AGAP3: variants seen among roughly 807,000 people sequenced by gnomAD.
AGAP3 encodes the protein arf-GAP with GTPase, ANK repeat and PH domain-containing protein 3.
AGAP3 carries 24 observed loss-of-function variants against 96.9 expected under a neutral mutation model. The ratio of observed to expected loss-of-function variants is 0.25; its 90% CI spans 0.18 to 0.35. The LOEUF is 0.35. Ranked by LOEUF, AGAP3 falls within the 10% of genes least tolerant of loss-of-function variation. The pLI is 1.00. For synonymous variants in AGAP3, 563 were observed against 536.1 expected (o/e 1.05, Z -0.69); for missense variants, 876 against 1,254.2 (o/e 0.70, Z 4.55).
At chr7:151,095,182 A>G (rs2150410734) in intron 1 of AGAP3, among the ~76,000 whole-genome samples, 1 of 152,220 alleles carries the variant, frequency 6.6e-6, no homozygotes, top group African/African-American at 2.4e-5. Context: ...ATCTCTTTTA[A>G]TGTAGGTTTT....
At chr7:151,123,062 G>A in intron 8 of AGAP3, 1 of 1,267,914 alleles carries the variant, frequency 7.9e-7, no homozygotes. Context: ...GCTGGCCAGC[G>A]CGACGAGGCC....
intron 8 of AGAP3, chr7:151,123,193 AGCCGCC>A (rs1046346361): frequency 3.1e-5 from 33 of 1,051,454 alleles, no homozygotes; most frequent in South Asian, 2.5e-4. Flanking sequence ...CTGCTCCGGA[AGCCGCC>A]GCCGCCGCCG....
chr7:151,132,099 C>T (rs917568786), intron 10 of AGAP3, among the ~76,000 whole-genome samples: 1 of 152,202 alleles, frequency 6.6e-6, no homozygotes, highest in Non-Finnish European at 1.5e-5. Context: ...GAAAGCAAGA[C>T]AGAGGGCCGG....
chr7:151,144,199 G>A lies in AGAP3; in HGVS notation c.*256G>A, dbSNP rs995980616. The A allele has an allele frequency of 1.2e-4, 63 of 508,584 alleles. No individual in the cohort carries two copies. Among genetic ancestry groups the A allele is most frequent in the Non-Finnish European group, 4.2e-5 (12 of 285,396 alleles). 31.5% of individuals were successfully genotyped at this position (508,584 alleles called of 1,614,324 possible). A position where few individuals can be genotyped will look rare whatever the true frequency, so the allele number is the denominator to read the frequency against. ...GACAGGACCCTTCGGAGGTGCCTGTGAGGAGAGGGGAGCAGGACCTCTCCC... is the reference window on the plus strand; with the variant it reads ...GACAGGACCCTTCGGAGGTGCCTGTAAGGAGAGGGGAGCAGGACCTCTCCC... On this transcript the variant is annotated 3_prime_UTR_variant, in exon 18 of 18. Coordinates refer to ENST00000397238, the MANE Select transcript of AGAP3 (RefSeq NM_031946.7).
chr7:151,141,538 C>T lies in AGAP3; in HGVS notation c.1805-360C>T, dbSNP rs1800812505. The stretch of plus-strand genomic sequence containing the variant: ...CCCCACCCTCTCCCAGTGTTTGCCT[C>T]CTAGCACCCCGTCACATCCTTCTCC... On this transcript the variant is annotated intron_variant, in intron 13 of 17. Transcript: ENST00000397238. This position sits in a 1 kb window ranked among gnomAD's most constrained non-coding sequence, Gnocchi z 4.2. The T allele has an allele frequency of 3.5e-6, 1 of 285,484 alleles. No individual in the cohort carries two copies. Among genetic ancestry groups the T allele is most frequent in the African/African-American group, 2.2e-5 (1 of 45,908 alleles). The allele number at this position is 285,484 out of a possible 1,614,324, so 17.7% of individuals were successfully genotyped here.
At position 151,119,841 on chromosome 7, in the gene AGAP3, C is replaced by T; in HGVS notation, c.970-146C>T. 3 of 684,316 alleles carry T rather than the reference C, an allele frequency of 4.4e-6. No homozygotes were observed. In the South Asian group the frequency reaches 5.7e-5, roughly 13 times the overall value. 42.4% of individuals were successfully genotyped at this position (684,316 alleles called of 1,614,324 possible). On this transcript the variant is annotated intron_variant, in intron 7 of 17. Transcript: ENST00000397238. ...GCCTCCAGGCCAGGTGAATGTTCCC[C>T]CCATATCATCTGTAGGGGCTAGTGG...
chr7:151,092,607 A>G (rs534768604), intron 1 of AGAP3, among the ~76,000 whole-genome samples: 2 of 152,310 alleles, frequency 1.3e-5, no homozygotes, highest in East Asian at 3.9e-4. Flanking sequence ...TGGGGGTTGG[A>G]ATGAGGCTTT....
chr7:151,115,375 G>C lies in AGAP3; in HGVS notation c.332-1418G>C, dbSNP rs929122550. The C allele has an allele frequency of 2.0e-4, 200 of 1,022,032 alleles. No homozygotes were observed. The African/African-American group carries it at 3.3e-3, about 17-fold the overall frequency. The allele number at this position is 1,022,032 out of a possible 1,614,324, so 63.3% of individuals were successfully genotyped here. A position where few individuals can be genotyped will look rare whatever the true frequency, so the allele number is the denominator to read the frequency against. ...CTGCGCCGCGGCCAGGAGGTGCGGC[G>C]CTCCGAGTCAGGGCTGCTGGCCCGG... is the stretch of plus-strand genomic sequence containing the variant. On this transcript the variant is annotated intron_variant, in intron 1 of 17. Transcript: ENST00000397238.
At chr7:151,119,639 C>T (rs12538006) in intron 7 of AGAP3, among the ~76,000 whole-genome samples, 4,175 of 152,344 alleles carry the variant, frequency 0.027, 142 homozygotes, top group East Asian at 0.15. Context: ...TTCCAGACCA[C>T]CTGCAGGTCA....
intron 11 of AGAP3, chr7:151,137,853 C>T (rs187003824): frequency 6.4e-6 from 3 of 466,312 alleles, no homozygotes; most frequent in African/African-American, 2.0e-5. Flanking sequence ...CCACCCAGCT[C>T]GTTCCACAAG....
chr7:151,088,321 GTTC>G (rs1798242442), intron 1 of AGAP3, among the ~76,000 whole-genome samples: 1 of 152,286 alleles, frequency 6.6e-6, no homozygotes, highest in Middle Eastern at 3.4e-3. Context: ...TTCCCAACCC[GTTC>G]TTATTTCTTT....
Position 151,091,990 on chromosome 7 carries a change from G to T in AGAP3, c.331+4918G>T, listed in dbSNP as rs1005338335. 6.6e-5 allele frequency among the ~76,000 whole-genome samples: 10 copies of T among 151,218 alleles called. No homozygotes were observed. In the East Asian group the frequency reaches 2.0e-3, roughly 30 times the overall value. The stretch of plus-strand genomic sequence containing the variant: ...GCAAGTTGGACTCTGCAGCTCGGGT[G>T]TTGAGTTGTAGGAGATGGGTGGGTG... On this transcript the variant is annotated intron_variant, in intron 1 of 17. Coordinates refer to ENST00000397238, the MANE Select transcript of AGAP3 (RefSeq NM_031946.7).
intron 10 of AGAP3, among the ~76,000 whole-genome samples, chr7:151,129,530 C>A (rs1011291056): frequency 1.3e-5 from 2 of 152,208 alleles, no homozygotes; most frequent in African/African-American, 4.8e-5. Context: ...GGTATCTGAC[C>A]ATCCTCAGGC....
chr7:151,118,689 G>C lies in AGAP3; in HGVS notation c.969+57G>C. 2 of 1,586,676 alleles carry C rather than the reference G, an allele frequency of 1.3e-6. No individual in the cohort carries two copies. The highest frequency in any genetic ancestry group is 4.5e-5 in the East Asian group (2 of 44,514). ...TCCCCACCATGTCTGTCTTGCCTCT[G>C]TGCGTCCTGCCACTTCTGCTGGCCT... is the stretch of plus-strand genomic sequence containing the variant. On this transcript the variant is annotated intron_variant, in intron 7 of 17. Coordinates refer to ENST00000397238, the MANE Select transcript of AGAP3 (RefSeq NM_031946.7). This position sits in a 1 kb window ranked among gnomAD's most constrained non-coding sequence, Gnocchi z 6.1.
chr7:151,107,528 G>A (rs938834418), intron 1 of AGAP3, among the ~76,000 whole-genome samples: 1 of 151,864 alleles, frequency 6.6e-6, no homozygotes, highest in Non-Finnish European at 1.5e-5. Flanking sequence ...GGAGGCTGAG[G>A]CGGGAGGATC....
chr7:151,131,228 C>T (rs918626474), intron 10 of AGAP3: 1 of 152,284 alleles, frequency 6.6e-6, no homozygotes, highest in African/African-American at 2.4e-5. Context: ...CAGCCTCCCC[C>T]ATTTTGCAGC....
At position 151,086,782 on chromosome 7, in the gene AGAP3, A is replaced by T; in HGVS notation, c.41A>T (p.Gln14Leu). 2.1e-6 allele frequency: 2 copies of T among 968,842 alleles called. No individual in the cohort carries two copies. The highest frequency in any genetic ancestry group is 2.4e-6 in the Non-Finnish European group (2 of 820,542). 60.0% of individuals were successfully genotyped at this position (968,842 alleles called of 1,614,324 possible). A position where few individuals can be genotyped will look rare whatever the true frequency, so the allele number is the denominator to read the frequency against. Reference protein sequence around the residue: ...QAGGGQSPQQQQSLAAPGGGG... With the variant: ...QAGGGQSPQQLQSLAAPGGGG... Reference sequence around the variant, plus strand: ...GGCGGGGGGCAGAGCCCGCAGCAGCAGCAGAGCCTGGCGGCTCCGGGGGGC... The same window carrying T: ...GGCGGGGGGCAGAGCCCGCAGCAGCTGCAGAGCCTGGCGGCTCCGGGGGGC... Residue 14 changes from glutamine (Q) to leucine (L), a missense_variant, in exon 1 of 18, where the codon CAG (glutamine) becomes CTG (leucine). By Grantham distance (113) the Gln-to-Leu change is moderately radical (BLOSUM62 -2). Transcript: ENST00000397238.
At chr7:151,101,564 C>T (rs891510) in intron 1 of AGAP3, among the ~76,000 whole-genome samples, 125,075 of 152,180 alleles carry the variant, frequency 0.82, 51,967 homozygotes, top group East Asian at 0.98. Flanking sequence ...TGTGGGAAAC[C>T]CGGTGTCCTG....
rs751886372 is a variant in AGAP3, at chr7:151,142,671, G to A, written c.2273+37G>A. 2.5e-6 allele frequency: 4 copies of A among 1,589,236 alleles called. No individual in the cohort carries two copies. Among genetic ancestry groups the A allele is most frequent in the Non-Finnish European group, 3.4e-6 (4 of 1,166,162 alleles). ...GTGCCCTGGAGCTGGCCAGGAATGGGGGAAGCGTTGGGGGCTCCCAGCATG... is the reference window on the plus strand; with the variant it reads ...GTGCCCTGGAGCTGGCCAGGAATGGAGGAAGCGTTGGGGGCTCCCAGCATG... On this transcript the variant is annotated intron_variant, in intron 16 of 17. Coordinates refer to ENST00000397238, the MANE Select transcript of AGAP3 (RefSeq NM_031946.7). The surrounding 1 kb of genome is among the most constrained non-coding windows in gnomAD (Gnocchi z 7.5).
Sources: allele counts gnomAD v4.1 joint callset (sites outside exome capture counted in the v4.1 genomes callset), GRCh38; gene constraint gnomAD v4.1.1; non-coding constraint Gnocchi (gnomAD v3.1); transcripts MANE v1.5; gene names NCBI Gene and HGNC (gene_info 2026-07-23, HGNC 2026-07-21).